RARB: variants seen among roughly 807,000 people sequenced by gnomAD.
RARB encodes the protein retinoic acid receptor beta, also known as HBV-activated protein.
Under a neutral mutation model 51.9 loss-of-function variants are expected in RARB, and 17 were observed. The observed-to-expected ratio is 0.33, with a 90% confidence interval of 0.22 to 0.49. The LOEUF is 0.49. Ranked by LOEUF, RARB falls within the 20% of genes least tolerant of loss-of-function variation. The probability of loss-of-function intolerance (pLI) is 0.99; values close to 1 mark genes in which losing one functional copy is unlikely to be tolerated. For missense variants in RARB, 369 were observed against 550.8 expected (o/e 0.67, Z 3.30); for synonymous variants, 215 against 195.4 (o/e 1.10, Z -0.84).
chr3:25,171,321 A>G (rs1204471741), intron 4 of RARB, among the ~76,000 whole-genome samples: 2 of 152,028 alleles, frequency 1.3e-5, no homozygotes, highest in Admixed American at 6.6e-5. Flanking sequence ...AAAGCCTGAA[A>G]CAAAGGAAAT....
At chr3:24,931,657 C>T (rs766836842) in intron 2 of RARB, among the ~76,000 whole-genome samples, 8 of 152,096 alleles carry the variant, frequency 5.3e-5, no homozygotes, top group Non-Finnish European at 8.8e-5. Context: ...CACTGAACAA[C>T]TCTTGTAGAC....
intron 2 of RARB, among the ~76,000 whole-genome samples, chr3:25,005,609 C>G (rs546670001): frequency 3.2e-4 from 48 of 152,222 alleles, no homozygotes; most frequent in Non-Finnish European, 5.7e-4. Context: ...TTGTTTATGA[C>G]CTAGCCTTAG....
At chr3:25,551,412 T>C (rs529300487) in intron 3 of RARB, among the ~76,000 whole-genome samples, 37 of 152,318 alleles carry the variant, frequency 2.4e-4, no homozygotes, top group African/African-American at 8.7e-4. Flanking sequence ...CATCAGACCC[T>C]GGTAGATATA....
At chr3:25,201,600 G>A (rs1701390997) in intron 5 of RARB, among the ~76,000 whole-genome samples, 2 of 152,106 alleles carry the variant, frequency 1.3e-5, no homozygotes, top group African/African-American at 2.4e-5. Flanking sequence ...TTTGAGATAG[G>A]TCCCATCAAT....
intron 5 of RARB, among the ~76,000 whole-genome samples, chr3:25,376,226 TA>T: frequency 6.6e-6 from 1 of 152,164 alleles, no homozygotes. Context: ...ACCATTCCCT[TA>T]CCCACCATGC....
chr3:24,889,580 T>G (rs1703336326), intron 2 of RARB, among the ~76,000 whole-genome samples: 1 of 151,998 alleles, frequency 6.6e-6, no homozygotes, highest in South Asian at 2.1e-4. Context: ...TAACAAACAT[T>G]TGCTTGGAAA....
chr3:25,269,792 C>G (rs905150432), intron 5 of RARB, among the ~76,000 whole-genome samples: 2 of 152,038 alleles, frequency 1.3e-5, no homozygotes, highest in African/African-American at 4.8e-5. Context: ...TCTTTGTTAA[C>G]AAAATTTGTA....
chr3:25,433,405 T>C (rs1225540387), intron 1 of RARB, among the ~76,000 whole-genome samples: 1 of 152,240 alleles, frequency 6.6e-6, no homozygotes, highest in Non-Finnish European at 1.5e-5. Context: ...GGGTCATTCT[T>C]ATGAACATGA....
intron 2 of RARB, among the ~76,000 whole-genome samples, chr3:25,479,604 G>T (rs1409719881): frequency 1.3e-5 from 2 of 152,158 alleles, no homozygotes; most frequent in Non-Finnish European, 2.9e-5. Context: ...AAAGAATGAT[G>T]GAAGTGTTTT....
At chr3:25,342,901 C>T (rs556098746) in intron 5 of RARB, among the ~76,000 whole-genome samples, 2 of 152,036 alleles carry the variant, frequency 1.3e-5, no homozygotes, top group South Asian at 4.2e-4. Context: ...GTGATGGAGC[C>T]CAGTGCTGCT....
At chr3:24,869,773 C>G (rs940127039) in intron 2 of RARB, among the ~76,000 whole-genome samples, 1 of 152,016 alleles carries the variant, frequency 6.6e-6, no homozygotes, top group Non-Finnish European at 1.5e-5. Flanking sequence ...TGTTTATCCT[C>G]TCTTCCTAAC....
chr3:25,428,032 T>G (rs1478116385), upstream of RARB, among the ~76,000 whole-genome samples: 1 of 152,086 alleles, frequency 6.6e-6, no homozygotes, highest in East Asian at 1.9e-4. Flanking sequence ...TAAAAGCACT[T>G]CTTGTATTGT....
chr3:25,288,304 C>T (rs2125420156), intron 5 of RARB, among the ~76,000 whole-genome samples: 1 of 152,226 alleles, frequency 6.6e-6, no homozygotes, highest in African/African-American at 2.4e-5. Context: ...AAGAAATCAT[C>T]TAGTGAAACT....
At chr3:25,311,642 G>C (rs931135747) in intron 5 of RARB, among the ~76,000 whole-genome samples, 5 of 152,214 alleles carry the variant, frequency 3.3e-5, no homozygotes, top group Admixed American at 3.3e-4. Flanking sequence ...GCAGGGTGAG[G>C]TTTATGCCTG....
chr3:25,526,416 G>A (rs1698649647), intron 3 of RARB, among the ~76,000 whole-genome samples: 1 of 152,184 alleles, frequency 6.6e-6, no homozygotes, highest in African/African-American at 2.4e-5. Context: ...TGAATATACT[G>A]ATTGTGTATT....
At chr3:24,924,722 GGGA>G (rs1004360870) in intron 2 of RARB, among the ~76,000 whole-genome samples, 1 of 152,014 alleles carries the variant, frequency 6.6e-6, no homozygotes, top group African/African-American at 2.4e-5. Flanking sequence ...CCTGTATTTT[GGGA>G]GGAGTATATA....
chr3:25,328,339 G>A (rs1435157520), intron 5 of RARB, among the ~76,000 whole-genome samples: 1 of 152,196 alleles, frequency 6.6e-6, no homozygotes, highest in Non-Finnish European at 1.5e-5. Context: ...GCCCAACAGG[G>A]CAAAACCCCA....
chr3:25,170,772 G>C (rs1436869219), intron 4 of RARB, among the ~76,000 whole-genome samples: 1 of 151,946 alleles, frequency 6.6e-6, no homozygotes, highest in Non-Finnish European at 1.5e-5. Flanking sequence ...TATACATACA[G>C]AGAAAAATTA....
chr3:25,339,680 G>A (rs1018383672), intron 5 of RARB, among the ~76,000 whole-genome samples: 1 of 151,816 alleles, frequency 6.6e-6, no homozygotes, highest in African/African-American at 2.4e-5. Flanking sequence ...AAAGGCACAG[G>A]GATCTTGCTC....
Sources: allele counts gnomAD v4.1 joint callset (sites outside exome capture counted in the v4.1 genomes callset), GRCh38; gene constraint gnomAD v4.1.1; transcripts MANE v1.5; gene names NCBI Gene and HGNC (gene_info 2026-07-23, HGNC 2026-07-21).